The following TMC7 variants were observed in gnomAD, a reference collection of about 807,000 sequenced individuals.
TMC7 encodes the protein transmembrane channel like 7.
In TMC7, 54 loss-of-function variants were observed where a neutral mutation model predicts 82.9. That is an observed-to-expected ratio of 0.65 (90% CI 0.52 to 0.82). The LOEUF (loss-of-function observed/expected upper bound fraction) is 0.82, where lower values mean the gene tolerates loss of function less well. Ranked by LOEUF, TMC7 falls within the 40% of genes least tolerant of loss-of-function variation. The pLI, the probability that TMC7 is intolerant of heterozygous loss-of-function variation, is 0.00. For synonymous variants in TMC7, 350 were observed against 337.9 expected (o/e 1.04, Z -0.39); for missense variants, 820 against 901.2 (o/e 0.91, Z 1.15).
At chr16:19,020,692 A>C (rs1959924391) in intron 3 of TMC7, among the ~76,000 whole-genome samples, 1 of 151,912 alleles carries the variant, frequency 6.6e-6, no homozygotes, top group Non-Finnish European at 1.5e-5. Flanking sequence ...ACATGGTGAA[A>C]CCTCATCTGT....
At chr16:19,037,720 A>G (rs1043534356) in intron 7 of TMC7, among the ~76,000 whole-genome samples, 154 bp from the exon 8 acceptor site, 4 of 152,008 alleles carry the variant, frequency 2.6e-5, no homozygotes, top group African/African-American at 9.7e-5. Flanking sequence ...TGATCCTCCT[A>G]CCTTGGCCTG....
intron 7 of TMC7, among the ~76,000 whole-genome samples, chr16:19,036,457 G>A (rs759431091): frequency 3.4e-5 from 5 of 146,104 alleles, no homozygotes; most frequent in Admixed American, 1.4e-4. Context: ...GCAGTGAGCC[G>A]AGGTTGCACC....
At position 18,984,987 on chromosome 16, in the gene TMC7, C is replaced by T. The variant is rs552561683; in HGVS notation, c.67+857C>T. On this transcript the variant is annotated intron_variant, in intron 1 of 15. Coordinates refer to ENST00000304381, the MANE Select transcript of TMC7 (RefSeq NM_024847.4). The stretch of plus-strand genomic sequence containing the variant: ...CTGAAACCAAGGATGTAGGGCCGGG[C>T]GTGGTGGCTCACGCCTGTAATCCCA... 4.6e-5 allele frequency among the ~76,000 whole-genome samples: 7 copies of T among 152,182 alleles called. No homozygotes were observed. In the South Asian group the frequency reaches 1.2e-3, roughly 27 times the overall value.
intron 5 of TMC7, among the ~76,000 whole-genome samples, chr16:19,025,086 G>T (rs1960160674): frequency 6.6e-6 from 1 of 152,078 alleles, no homozygotes; most frequent in Non-Finnish European, 1.5e-5. Context: ...ACTCTGTGTT[G>T]TGTAGAGCTA....
chr16:19,016,723 A>G (rs1959715138), intron 3 of TMC7, 125 bp downstream of exon 3: 1 of 1,071,548 alleles, frequency 9.3e-7, no homozygotes, highest in Non-Finnish European at 1.3e-6. Context: ...AATGTGAGCA[A>G]CAAACCACAG....
At chr16:19,039,352 A>G (rs1960905628) in intron 8 of TMC7, among the ~76,000 whole-genome samples, 1 of 152,048 alleles carries the variant, frequency 6.6e-6, no homozygotes, top group Non-Finnish European at 1.5e-5. Context: ...CAGCATCCCA[A>G]AGTGCTGGGA....
intron 8 of TMC7, among the ~76,000 whole-genome samples, chr16:19,038,386 G>T (rs1037476755): frequency 6.6e-6 from 1 of 151,708 alleles, no homozygotes; most frequent in Non-Finnish European, 1.5e-5. Context: ...GTAGAGACTG[G>T]GTTTCTCCAT....
chr16:19,023,483 G>A (rs1960079692), intron 5 of TMC7, among the ~76,000 whole-genome samples: 1 of 152,088 alleles, frequency 6.6e-6, no homozygotes, highest in South Asian at 2.1e-4. Flanking sequence ...GTCTCGCTCC[G>A]TCGCCCAGGC....
intron 13 of TMC7, among the ~76,000 whole-genome samples, chr16:19,053,551 G>GT (rs751530870): frequency 6.6e-6 from 1 of 151,982 alleles, no homozygotes; most frequent in Non-Finnish European, 1.5e-5. Flanking sequence ...TTACAGGCAT[G>GT]TGCCACCATG....
In TMC7 at chr16:18,984,368, C is replaced by T; in HGVS notation, c.67+238C>T. The stretch of plus-strand genomic sequence containing the variant: ...CCGGGCCAAAAGGACACGAGAACTG[C>T]AGTCTGGACCGTGGTGGGTTTGTCT... On this transcript the variant is annotated intron_variant, in intron 1 of 15. Coordinates refer to ENST00000304381, the MANE Select transcript of TMC7 (RefSeq NM_024847.4). 3.9e-6 allele frequency: 5 copies of T among 1,280,822 alleles called. No individual in the cohort carries two copies. In the South Asian group the frequency reaches 1.2e-4, roughly 32 times the overall value. 79.3% of individuals were successfully genotyped at this position (1,280,822 alleles called of 1,614,324 possible). A position where few individuals can be genotyped will look rare whatever the true frequency, so the allele number is the denominator to read the frequency against.
At chr16:19,014,455 G>C (rs1164444053) in intron 2 of TMC7, among the ~76,000 whole-genome samples, 1 of 152,166 alleles carries the variant, frequency 6.6e-6, no homozygotes, top group African/African-American at 2.4e-5. Context: ...AGGCTCGTTT[G>C]GATGGAAGGT....
chr16:19,014,417 G>T (rs1359268260), intron 2 of TMC7, among the ~76,000 whole-genome samples: 1 of 152,200 alleles, frequency 6.6e-6, no homozygotes, highest in African/African-American at 2.4e-5. Flanking sequence ...CCAAGTTACA[G>T]ATAAGGAACC....
At chr16:19,040,551 T>C (rs1443241093) in intron 9 of TMC7, 105 bp downstream of exon 9, 2 of 1,093,056 alleles carry the variant, frequency 1.8e-6, no homozygotes, top group Non-Finnish European at 2.6e-6. Flanking sequence ...ATTTTCCTGC[T>C]GAGCCAAGAG....
rs563702350 is a variant in TMC7 at position 19,006,855 on chromosome 16, C to T, written c.68-2317C>T. Reference sequence around the variant, plus strand: ...TTTTTGAGACAAAGTCTTGCTCTGTCGCTTAGGCTGGAGTGTAGTGGTCCA... The same window carrying T: ...TTTTTGAGACAAAGTCTTGCTCTGTTGCTTAGGCTGGAGTGTAGTGGTCCA... On this transcript the variant is annotated intron_variant, in intron 1 of 15. Transcript: ENST00000304381. Among the ~76,000 whole-genome samples, 6 of 152,168 alleles carry T rather than the reference C, an allele frequency of 3.9e-5. No homozygotes were observed. In the South Asian group the frequency reaches 1.0e-3, roughly 26 times the overall value.
chr16:19,039,177 A>C (rs1202700555), intron 8 of TMC7, among the ~76,000 whole-genome samples: 2 of 133,796 alleles, frequency 1.5e-5, no homozygotes, highest in East Asian at 2.1e-4. Flanking sequence ...TGCAACCTCC[A>C]CCTCCCGGGT....
intron 12 of TMC7, among the ~76,000 whole-genome samples, chr16:19,049,198 ATTT>A (rs1961416190): frequency 6.6e-6 from 1 of 151,920 alleles, no homozygotes; most frequent in African/African-American, 2.4e-5. Context: ...TAATTTTTGT[ATTT>A]TTAGTAGAGA....
At chr16:19,057,822 G>A (rs182431780) in intron 14 of TMC7, among the ~76,000 whole-genome samples, 1 of 152,342 alleles carries the variant, frequency 6.6e-6, no homozygotes, top group East Asian at 1.9e-4. Flanking sequence ...TTCATTCAGT[G>A]AGGTTGCCTT....
chr16:19,020,803 G>C (rs1959930892), intron 3 of TMC7, among the ~76,000 whole-genome samples: 1 of 151,920 alleles, frequency 6.6e-6, no homozygotes, highest in East Asian at 1.9e-4. Context: ...AGTGAGCTGA[G>C]ATCACGCCAC....
chr16:19,018,352 C>CT (rs1959804010), intron 3 of TMC7, among the ~76,000 whole-genome samples: 1 of 152,082 alleles, frequency 6.6e-6, no homozygotes, highest in East Asian at 1.9e-4. Context: ...AAAACAGAAA[C>CT]TTTTTTTTCT....
Sources: allele counts gnomAD v4.1 joint callset (sites outside exome capture counted in the v4.1 genomes callset), GRCh38; gene constraint gnomAD v4.1.1; transcripts MANE v1.5; gene names NCBI Gene and HGNC (gene_info 2026-07-23, HGNC 2026-07-21).